Variants in ARSG observed in about 807,000 individuals in gnomAD.
ARSG encodes the protein ASG.
In ARSG, 37 loss-of-function variants were observed where a neutral mutation model predicts 50.5. The observed-to-expected ratio is 0.73, with a 90% CI of 0.56 to 0.96. The LOEUF is 0.96. Ranked by LOEUF, ARSG falls within the 50% of genes least tolerant of loss-of-function variation. The pLI, the probability that ARSG is intolerant of heterozygous loss-of-function variation, is 0.00. For missense variants in ARSG, 629 were observed against 675.3 expected, an observed-to-expected ratio of 0.93 and a Z score of 0.76; for synonymous variants, 225 against 254.6, an observed-to-expected ratio of 0.88 and a Z score of 1.11.
At chr17:68,442,772 CCA>C in the ARSG span, among the ~76,000 whole-genome samples, 8 of 152,134 alleles carry the variant, frequency 5.3e-5, no homozygotes, top group Non-Finnish European at 1.2e-4. Context: ...TGTCCGCACC[CCA>C]GAGTTAAACA....
chr17:68,414,227 C>T (rs745622859), intron 11 of ARSG: 4 of 152,244 alleles, frequency 2.6e-5, no homozygotes, highest in South Asian at 4.1e-4. Flanking sequence ...AATCATAAAG[C>T]GATGCTGGAT....
downstream of ARSG, chr17:68,422,765 A>C (rs1400528307): frequency 6.7e-6 from 1 of 148,196 alleles, no homozygotes; most frequent in Non-Finnish European, 1.5e-5. Context: ...AGGGAAGGTC[A>C]GTTTATACCC....
chr17:68,391,083 G>T (rs1442756798), intron 9 of ARSG, among the ~76,000 whole-genome samples: 1 of 152,088 alleles, frequency 6.6e-6, no homozygotes, highest in East Asian at 1.9e-4. Context: ...TTTCTCCGAG[G>T]TTTTAAAGAC....
chr17:68,356,169 ACTGCAC>A (rs1470968232), intron 5 of ARSG, among the ~76,000 whole-genome samples: 1 of 152,244 alleles, frequency 6.6e-6, no homozygotes, highest in East Asian at 1.9e-4. Context: ...GGCATGAGCC[ACTGCAC>A]CTGGCCCATC....
At chr17:68,408,108 ACT>A (rs1219007732) in intron 11 of ARSG, among the ~76,000 whole-genome samples, 1 of 148,872 alleles carries the variant, frequency 6.7e-6, no homozygotes, top group African/African-American at 2.5e-5. Context: ...TTAACTAAAC[ACT>A]CTCTACATAT....
chr17:68,289,644 T>TA (rs538435215), upstream of ARSG, among the ~76,000 whole-genome samples: 5 of 152,104 alleles, frequency 3.3e-5, no homozygotes, highest in Non-Finnish European at 4.4e-5. Context: ...ATTCTCTATT[T>TA]AAAAAAAATT....
At chr17:68,435,503 A>G in the ARSG span, 1 of 971,178 alleles carries the variant, frequency 1.0e-6, no homozygotes, top group Non-Finnish European at 1.6e-6. Flanking sequence ...ACAAATTCTG[A>G]GTGGGCCCAG....
At chr17:68,431,096 G>A in the ARSG span, among the ~76,000 whole-genome samples, 14 of 152,138 alleles carry the variant, frequency 9.2e-5, no homozygotes, top group South Asian at 2.1e-4. Context: ...CCTGTGCTCC[G>A]GGCTGGGGTT....
chr17:68,408,659 G>C (rs1383304557), intron 11 of ARSG, among the ~76,000 whole-genome samples: 17 of 152,164 alleles, frequency 1.1e-4, no homozygotes, highest in African/African-American at 3.1e-4. Flanking sequence ...ATGGCTGGGT[G>C]AAATGGTATT....
At chr17:68,375,957 T>C (rs547590203) in intron 8 of ARSG, among the ~76,000 whole-genome samples, 8 of 152,208 alleles carry the variant, frequency 5.3e-5, no homozygotes, top group Non-Finnish European at 1.0e-4. Context: ...ATGTTAAATA[T>C]GGAGGTGAAA....
At position 68,331,305 on chromosome 17, in the gene ARSG, T is replaced by C. The variant is rs145179708; in HGVS notation, c.219-12299T>C. Among the ~76,000 whole-genome samples the C allele has an allele frequency of 9.9e-3, 1,487 of 150,004 alleles. 29 individuals carry two copies. Among genetic ancestry groups the C allele is most frequent in the African/African-American group, 0.034 (1,379 of 40,496 alleles). ...TTGCTCTGTCACCCAGACTGGAGTG[T>C]AGTGGCACAATCTCGGCTCACTGAA... On this transcript the variant is annotated intron_variant, in intron 2 of 11. Transcript: ENST00000621439.
intron 11 of ARSG, among the ~76,000 whole-genome samples, chr17:68,408,890 T>A (rs1176988208): frequency 6.6e-6 from 1 of 151,800 alleles, no homozygotes; most frequent in East Asian, 1.9e-4. Flanking sequence ...GGTGAGCATT[T>A]TTTCATGTGT....
intron 2 of ARSG, among the ~76,000 whole-genome samples, chr17:68,314,451 G>T (rs975710087): frequency 5.3e-4 from 81 of 151,474 alleles, no homozygotes; most frequent in African/African-American, 1.9e-3. Flanking sequence ...ATTTGAACCC[G>T]GGAGGCGGAA....
At chr17:68,346,891 C>G (rs943864376) in intron 3 of ARSG, 1 of 1,456,026 alleles carries the variant, frequency 6.9e-7, no homozygotes, top group African/African-American at 1.4e-5. Context: ...GGCTGTCTTC[C>G]CCTTTCACTG....
Position 68,352,116 on chromosome 17 carries a change from A to G in ARSG, c.566+430A>G, listed in dbSNP as rs2078805740. On this transcript the variant is annotated intron_variant, in intron 5 of 11. Coordinates refer to ENST00000621439, the MANE Select transcript of ARSG (RefSeq NM_001267727.2). ...GAGAGAGAGAGAGAGAGAGAGAGACAGAGGAGAGAGAGAGAGAGAGACAGA... is the reference window on the plus strand; with the variant it reads ...GAGAGAGAGAGAGAGAGAGAGAGACGGAGGAGAGAGAGAGAGAGAGACAGA... 7.0e-4 allele frequency among the ~76,000 whole-genome samples: 48 copies of G among 68,256 alleles called. 1 individual carries two copies. The highest frequency in any genetic ancestry group is 8.1e-3 in the Middle Eastern group (1 of 124). The allele number at this position is 68,256 out of a possible 152,430, so 44.8% of individuals were successfully genotyped here.
rs200275854 is a variant in ARSG at position 68,368,071 on chromosome 17, C to CA, written c.705-469dup. Among the ~76,000 whole-genome samples, 385 of 150,760 alleles carry CA rather than the reference C, an allele frequency of 2.6e-3. 2 individuals are homozygous for CA. Among genetic ancestry groups the CA allele is most frequent in the African/African-American group, 8.8e-3 (361 of 41,064 alleles). On this transcript the variant is annotated intron_variant, in intron 6 of 11. Coordinates refer to ENST00000621439, the MANE Select transcript of ARSG (RefSeq NM_001267727.2). ...GGCGACAAGAGTGCGACTCTGTCTC[C>CA]AAAAAAAAGAAAGAAAGGAATGAGA...
At chr17:68,361,759 A>T (rs2079299548) in intron 6 of ARSG, among the ~76,000 whole-genome samples, 1 of 152,088 alleles carries the variant, frequency 6.6e-6, no homozygotes, top group African/African-American at 2.4e-5. Context: ...TCTATTAAAG[A>T]TACAAAAATT....
At chr17:68,264,005 G>A (rs1382877133) in intron 1 of ARSG, among the ~76,000 whole-genome samples, 1 of 151,990 alleles carries the variant, frequency 6.6e-6, no homozygotes, top group East Asian at 1.9e-4. Context: ...TTACAGGCAC[G>A]CACCAACATG....
In ARSG at chr17:68,291,767, C is replaced by T. The variant is rs189772784; in HGVS notation, c.-552+199C>T. Among the ~76,000 whole-genome samples the T allele has an allele frequency of 8.0e-3, 1,213 of 151,682 alleles. 20 individuals carry two copies. The highest frequency in any genetic ancestry group is 0.028 in the African/African-American group (1,142 of 41,412). ...TGCATCCTGTCTCGGAGCACCTCGGCCAGGCGCGAGCGCGCGGGTCCCCGT... is the reference window on the plus strand; with the variant it reads ...TGCATCCTGTCTCGGAGCACCTCGGTCAGGCGCGAGCGCGCGGGTCCCCGT... On this transcript the variant is annotated intron_variant, in intron 1 of 11. Transcript: ENST00000621439.
Sources: allele counts gnomAD v4.1 joint callset (sites outside exome capture counted in the v4.1 genomes callset), GRCh38; gene constraint gnomAD v4.1.1; transcripts MANE v1.5; gene names NCBI Gene and HGNC (gene_info 2026-07-23, HGNC 2026-07-21).